The following AGBL4 variants were observed in gnomAD, a reference collection of about 807,000 sequenced individuals.
AGBL4 encodes cytosolic carboxypeptidase 6.
In AGBL4, 58 loss-of-function variants were observed where a neutral mutation model predicts 66.4. The observed-to-expected ratio is 0.87, with a 90% CI of 0.71 to 1.09. The LOEUF is 1.09. Ranked by LOEUF, AGBL4 falls within the 50% of genes least tolerant of loss-of-function variation. The probability of loss-of-function intolerance (pLI) is 0.00; values close to 1 mark genes in which losing one functional copy is unlikely to be tolerated. For synonymous variants in AGBL4, 234 were observed against 222.9 expected, an observed-to-expected ratio of 1.05 and a Z score of -0.44; for missense variants, 579 against 631.0, an observed-to-expected ratio of 0.92 and a Z score of 0.88.
At chr1:49,781,944 G>A (rs778719958) in intron 2 of AGBL4, among the ~76,000 whole-genome samples, 15 of 151,944 alleles carry the variant, frequency 9.9e-5, no homozygotes, top group Middle Eastern at 3.2e-3. Context: ...TGATTTCAAC[G>A]AACATGTAGG....
intron 1 of AGBL4, among the ~76,000 whole-genome samples, chr1:49,880,094 C>T (rs1223155994): frequency 6.6e-6 from 1 of 151,840 alleles, no homozygotes; most frequent in Non-Finnish European, 1.5e-5. Flanking sequence ...AACTTCTTTG[C>T]CTTTGGTTTG....
chr1:49,059,122 A>G (rs1238254922), intron 4 of AGBL4, among the ~76,000 whole-genome samples: 2 of 152,168 alleles, frequency 1.3e-5, no homozygotes, highest in Admixed American at 6.5e-5. Context: ...AAGGCATATC[A>G]GAGACCTTCA....
At chr1:49,854,084 C>T (rs376680907) in intron 1 of AGBL4, among the ~76,000 whole-genome samples, 78 of 151,996 alleles carry the variant, frequency 5.1e-4, no homozygotes, top group African/African-American at 1.8e-3. Flanking sequence ...GAAAAAATAG[C>T]AATGTATTGT....
At chr1:48,720,638 C>A (rs1243058442) in intron 6 of AGBL4, among the ~76,000 whole-genome samples, 1 of 152,114 alleles carries the variant, frequency 6.6e-6, no homozygotes, top group Non-Finnish European at 1.5e-5. Context: ...AGTAAATGTT[C>A]AATAAATATT....
At chr1:49,503,864 T>C (rs935199002) in intron 3 of AGBL4, among the ~76,000 whole-genome samples, 1 of 152,138 alleles carries the variant, frequency 6.6e-6, no homozygotes, top group Non-Finnish European at 1.5e-5. Flanking sequence ...TTGTCTCAGA[T>C]GAGACTTTGG....
chr1:48,706,827 A>G (rs1204977798), intron 6 of AGBL4, among the ~76,000 whole-genome samples: 1 of 152,212 alleles, frequency 6.6e-6, no homozygotes, highest in Non-Finnish European at 1.5e-5. Context: ...TTACCTGGAT[A>G]TGGTATCCAA....
chr1:49,054,716 A>G (rs1356207262), intron 4 of AGBL4, among the ~76,000 whole-genome samples: 2 of 152,012 alleles, frequency 1.3e-5, no homozygotes. Context: ...ATGTTTTCAT[A>G]AAGTTTTAGA....
At chr1:49,532,431 A>T (rs1651214259) in intron 3 of AGBL4, among the ~76,000 whole-genome samples, 1 of 152,092 alleles carries the variant, frequency 6.6e-6, no homozygotes, top group Admixed American at 6.5e-5. Flanking sequence ...TAAAACATTG[A>T]ATTTCATGTT....
intron 3 of AGBL4, among the ~76,000 whole-genome samples, chr1:49,473,723 AG>A (rs1646792823): frequency 6.6e-6 from 1 of 152,016 alleles, no homozygotes; most frequent in African/African-American, 2.4e-5. Flanking sequence ...TGTCTAGAAG[AG>A]TATTTCCTGG....
chr1:49,006,789 T>C (rs1335115546), intron 5 of AGBL4, among the ~76,000 whole-genome samples: 2 of 151,634 alleles, frequency 1.3e-5, no homozygotes, highest in East Asian at 3.9e-4. Context: ...CACGGCAGAG[T>C]ATTCCAACAG....
At chr1:48,761,489 G>C in intron 6 of AGBL4, 1 of 1,547,040 alleles carries the variant, frequency 6.5e-7, no homozygotes, top group Non-Finnish European at 8.7e-7. Context: ...CATATCAAGA[G>C]AACAAGGTTC....
At chr1:48,877,028 C>T (rs1340211608) in intron 5 of AGBL4, among the ~76,000 whole-genome samples, 2 of 152,142 alleles carry the variant, frequency 1.3e-5, no homozygotes, top group Non-Finnish European at 2.9e-5. Context: ...TGGAGATCCA[C>T]TAGCCCAACT....
chr1:49,097,253 G>C (rs1645123032), intron 4 of AGBL4, among the ~76,000 whole-genome samples: 1 of 152,154 alleles, frequency 6.6e-6, no homozygotes, highest in Non-Finnish European at 1.5e-5. Context: ...CACAAAATTA[G>C]AGAGTTCCAA....
chr1:48,703,429 A>G (rs997147289), intron 6 of AGBL4, among the ~76,000 whole-genome samples: 1 of 152,230 alleles, frequency 6.6e-6, no homozygotes. Context: ...GATGAAGATA[A>G]GAAAGGAGAT....
At chr1:49,869,370 T>C (rs1318881419) in intron 1 of AGBL4, among the ~76,000 whole-genome samples, 1 of 152,044 alleles carries the variant, frequency 6.6e-6, no homozygotes, top group Admixed American at 6.6e-5. Context: ...ATAGACTGGA[T>C]AAAGAAAATG....
chr1:49,515,648 A>T (rs1363672973), intron 3 of AGBL4, among the ~76,000 whole-genome samples: 1 of 151,752 alleles, frequency 6.6e-6, no homozygotes, highest in Non-Finnish European at 1.5e-5. Context: ...CAAATGTCCA[A>T]CAATGATAGA....
At chr1:48,615,714 G>T (rs1240857641) in intron 9 of AGBL4, among the ~76,000 whole-genome samples, 2 of 152,186 alleles carry the variant, frequency 1.3e-5, no homozygotes, top group African/African-American at 2.4e-5. Flanking sequence ...GGACCCAAAA[G>T]TTTGCTTCTG....
intron 5 of AGBL4, among the ~76,000 whole-genome samples, chr1:48,989,480 A>G (rs1660438422): frequency 6.6e-6 from 1 of 152,112 alleles, no homozygotes; most frequent in Non-Finnish European, 1.5e-5. Flanking sequence ...GTTTCTAACT[A>G]TATTTTATAC....
At chr1:49,449,397 T>C (rs1183895016) in intron 3 of AGBL4, among the ~76,000 whole-genome samples, 3 of 152,084 alleles carry the variant, frequency 2.0e-5, no homozygotes, top group Non-Finnish European at 4.4e-5. Flanking sequence ...TTGATTGATA[T>C]GAGGTTTTTA....
Sources: allele counts gnomAD v4.1 joint callset (sites outside exome capture counted in the v4.1 genomes callset), GRCh38; gene constraint gnomAD v4.1.1; transcripts MANE v1.5; gene names NCBI Gene and HGNC (gene_info 2026-07-23, HGNC 2026-07-21).